Variants in PPP1CC observed in about 807,000 individuals in gnomAD.
The protein encoded by PPP1CC is protein phosphatase 1 catalytic subunit gamma, also known as serine/threonine-protein phosphatase PP1-gamma catalytic subunit.
PPP1CC carries 16 observed loss-of-function variants against 38.4 expected under a neutral mutation model. That is an observed-to-expected ratio of 0.42 (90% CI 0.28 to 0.63). The LOEUF (loss-of-function observed/expected upper bound fraction) is 0.63, where lower values mean the gene tolerates loss of function less well. Ranked by LOEUF, PPP1CC falls within the 30% of genes least tolerant of loss-of-function variation. PPP1CC has a pLI of 0.25. For missense variants in PPP1CC, 170 were observed against 391.3 expected (o/e 0.43, Z 4.77); for synonymous variants, 158 against 136.0 (o/e 1.16, Z -1.13).
chr12:110,720,277 G>T lies in PPP1CC; in HGVS notation c.*799C>A. ...ATGTTATTACCTTTTATCGTTAGTA[G>T]CTTAAACAGCACTATATCACTAATT... On this transcript the variant is annotated 3_prime_UTR_variant, in exon 7 of 7. Coordinates refer to ENST00000335007, the MANE Select transcript of PPP1CC (RefSeq NM_002710.4). The T allele has an allele frequency of 7.9e-7, 1 of 1,267,900 alleles. No homozygotes were observed. The highest frequency in any genetic ancestry group is 1.1e-6 in the Non-Finnish European group (1 of 908,260). The allele number at this position is 1,267,900 out of a possible 1,614,324, so 78.5% of individuals were successfully genotyped here.
At chr12:110,721,581 G>T (rs376499315) in intron 6 of PPP1CC, 11 of 171,500 alleles carry the variant, frequency 6.4e-5, no homozygotes, top group Middle Eastern at 2.7e-3. Context: ...TCATTTAACT[G>T]ATGAGTGCCA....
chr12:110,718,997 C>T (rs542268049), downstream of PPP1CC, among the ~76,000 whole-genome samples: 2 of 152,116 alleles, frequency 1.3e-5, no homozygotes, highest in East Asian at 3.9e-4. Flanking sequence ...AAACTTGAGC[C>T]TGATACCACA....
chr12:110,710,519 C>G, the PPP1CC span, among the ~76,000 whole-genome samples: 5 of 150,262 alleles, frequency 3.3e-5, no homozygotes, highest in African/African-American at 1.2e-4. Context: ...AAGATTGAGA[C>G]CATCCTGGCT....
chr12:110,732,135 C>T (rs1375192507), intron 1 of PPP1CC: 3 of 567,610 alleles, frequency 5.3e-6, no homozygotes, highest in Admixed American at 3.3e-5. Flanking sequence ...AAAAAAGGAG[C>T]CATCCTGTCT....
chr12:110,716,604 C>T (rs983392765), downstream of PPP1CC, among the ~76,000 whole-genome samples: 15 of 152,144 alleles, frequency 9.9e-5, no homozygotes, highest in African/African-American at 3.1e-4. Context: ...CCACTCACCT[C>T]GGCCTCCCAA....
At chr12:110,716,507 C>A (rs1170238610), downstream of PPP1CC, among the ~76,000 whole-genome samples, 2 of 152,212 alleles carry the variant, frequency 1.3e-5, no homozygotes, top group East Asian at 1.9e-4. Flanking sequence ...CATGTGCCAC[C>A]ACACCTGGCT....
At chr12:110,730,784 A>G (rs1293226355) in intron 2 of PPP1CC, 25 bp from the exon 3 acceptor site, 1 of 1,499,322 alleles carries the variant, frequency 6.7e-7, no homozygotes, top group Non-Finnish European at 9.2e-7. Context: ...TTTGTTACAC[A>G]GTGTTCCCAT....
the PPP1CC span, among the ~76,000 whole-genome samples, chr12:110,713,293 C>T: frequency 1.3e-5 from 2 of 151,870 alleles, no homozygotes; most frequent in Non-Finnish European, 1.5e-5. Flanking sequence ...CTGCCACGCC[C>T]GGCTAATTAT....
chr12:110,737,586 T>G (rs1291674692), intron 1 of PPP1CC, among the ~76,000 whole-genome samples: 8 of 151,478 alleles, frequency 5.3e-5, no homozygotes, highest in African/African-American at 1.9e-4. Context: ...TCACAATTGT[T>G]TCCACACCCT....
the PPP1CC span, among the ~76,000 whole-genome samples, chr12:110,709,670 T>A: frequency 6.6e-6 from 1 of 151,860 alleles, no homozygotes; most frequent in Non-Finnish European, 1.5e-5. Context: ...GTGATTCTCC[T>A]GCCTCAGCCT....
downstream of PPP1CC, among the ~76,000 whole-genome samples, chr12:110,716,957 C>T: frequency 6.6e-6 from 1 of 152,152 alleles, no homozygotes; most frequent in East Asian, 1.9e-4. Context: ...GTTGATAGTC[C>T]ATCATTTCCA....
rs78745085 is a variant in PPP1CC at position 110,737,530 on chromosome 12, G to A, written c.55+5123C>T. ...AAGAAAAGAAAAAAGAACCCTTTAA[G>A]TTTCTCTGCAAAGTCACCAGCAGAA... On this transcript the variant is annotated intron_variant, in intron 1 of 6. Coordinates refer to ENST00000335007, the MANE Select transcript of PPP1CC (RefSeq NM_002710.4). Among the ~76,000 whole-genome samples the A allele has an allele frequency of 5.4e-3, 727 of 135,422 alleles. 6 individuals carry two copies. The highest frequency in any genetic ancestry group is 0.019 in the African/African-American group (684 of 35,874). The allele number at this position is 135,422 out of a possible 152,430, so 88.8% of individuals were successfully genotyped here.
chr12:110,720,924 G>A lies in PPP1CC; in HGVS notation c.*152C>T. 1.7e-6 allele frequency: 1 copy of A among 578,448 alleles called. No homozygotes were observed. The highest frequency in any genetic ancestry group is 3.0e-6 in the Non-Finnish European group (1 of 328,162). 35.8% of individuals were successfully genotyped at this position (578,448 alleles called of 1,614,324 possible). On this transcript the variant is annotated 3_prime_UTR_variant, in exon 7 of 7. Transcript: ENST00000335007. ...AGTCTTTCATTTGCTGTTATAACCA[G>A]CAAATGCCATTCACTAAATCAAAAA...
intron 2 of PPP1CC, among the ~76,000 whole-genome samples, chr12:110,730,967 T>C (rs528901076): frequency 6.6e-6 from 1 of 152,348 alleles, no homozygotes; most frequent in African/African-American, 2.4e-5. Context: ...TAAGTATATG[T>C]GTATGTCCAG....
rs536291535 is a variant in PPP1CC at position 110,727,203 on chromosome 12, G to C, written c.419-2439C>G. 9.2e-5 allele frequency among the ~76,000 whole-genome samples: 14 copies of C among 152,248 alleles called. No individual in the cohort carries two copies. The South Asian group carries it at 2.9e-3, about 32-fold the overall frequency. The stretch of plus-strand genomic sequence containing the variant: ...TGACCTCAAGTGATCCACCCACCTT[G>C]GCCTCCCAAAGTGCTGGGATTACAG... On this transcript the variant is annotated intron_variant, in intron 3 of 6. Coordinates refer to ENST00000335007, the MANE Select transcript of PPP1CC (RefSeq NM_002710.4).
At chr12:110,710,311 G>C in the PPP1CC span, among the ~76,000 whole-genome samples, 5 of 151,684 alleles carry the variant, frequency 3.3e-5, no homozygotes, top group African/African-American at 7.3e-5. Flanking sequence ...GGGAGGCCAA[G>C]GTGGGCGGAT....
intron 3 of PPP1CC, chr12:110,725,318 A>T (rs2069784530): frequency 6.6e-6 from 1 of 152,284 alleles, no homozygotes; most frequent in African/African-American, 2.4e-5. Context: ...GAACTTACAC[A>T]TGTGGCGTTA....
At chr12:110,733,673 G>A (rs1002214983) in intron 1 of PPP1CC, among the ~76,000 whole-genome samples, 3 of 152,106 alleles carry the variant, frequency 2.0e-5, no homozygotes. Flanking sequence ...GGAGTGCAGT[G>A]GCATGATCAT....
intron 3 of PPP1CC, chr12:110,726,689 T>C (rs943849813): frequency 1.3e-5 from 2 of 152,226 alleles, no homozygotes; most frequent in African/African-American, 2.4e-5. Context: ...TTGGAACTTT[T>C]TGAGCACTCA....
Sources: allele counts gnomAD v4.1 joint callset (sites outside exome capture counted in the v4.1 genomes callset), GRCh38; gene constraint gnomAD v4.1.1; transcripts MANE v1.5; gene names NCBI Gene and HGNC (gene_info 2026-07-23, HGNC 2026-07-21).